PCDHB10: variants seen among roughly 807,000 people sequenced by gnomAD.
PCDHB10 encodes protocadherin beta 10.
For missense variants in PCDHB10, 1,046 were observed against 1,004.7 expected (o/e 1.04, Z -0.56); for synonymous variants, 448 against 449.2 (o/e 1.00, Z 0.04).
In PCDHB10 at chr5:141,193,867, G is replaced by A. The variant is rs17844560; in HGVS notation, c.1315G>A (p.Val439Ile). 3.1e-6 allele frequency: 5 copies of A among 1,613,806 alleles called. No homozygotes were observed. The highest frequency in any genetic ancestry group is 1.1e-5 in the South Asian group (1 of 91,046). ...PRLKTEHNIT[V>I]LVSDVNDNAP... ...GCTGAAAACCGAGCACAACATAACGGTCCTGGTCTCCGACGTCAATGACAA... is the reference window on the plus strand; with the variant it reads ...GCTGAAAACCGAGCACAACATAACGATCCTGGTCTCCGACGTCAATGACAA... Residue 439 changes from valine (V) to isoleucine (I), a missense_variant, in exon 1 of 1, where the codon GTC (valine) becomes ATC (isoleucine). Val to Ile is a conservative substitution (Grantham distance 29, BLOSUM62 3). Coordinates refer to ENST00000239446, the MANE Select transcript of PCDHB10 (RefSeq NM_018930.4).
In PCDHB10 at chr5:141,195,005, C is replaced by A. The variant is rs1554284587; in HGVS notation, c.*50C>A. The A allele has an allele frequency of 6.6e-7, 1 of 1,503,812 alleles. No individual in the cohort carries two copies. The highest frequency in any genetic ancestry group is 2.3e-5 in the East Asian group (1 of 43,666). 93.2% of individuals were successfully genotyped at this position (1,503,812 alleles called of 1,614,324 possible). ...TTTGGTGTGTTACATAGCCATGTTT[C>A]TATTAGTTTACTTTTAAATCTCAAA... On this transcript the variant is annotated 3_prime_UTR_variant, in exon 1 of 1. Transcript: ENST00000239446.
rs962611160 is a variant in PCDHB10 at position 141,194,976 on chromosome 5, T to C, written c.*21T>C. ...AGTAAAGTCTGTTTTTAGTTTCATA[T>C]ACTTTTGGTGTGTTACATAGCCATG... On this transcript the variant is annotated 3_prime_UTR_variant, in exon 1 of 1. Transcript: ENST00000239446. 1.3e-6 allele frequency: 2 copies of C among 1,566,126 alleles called. No individual in the cohort carries two copies. Among genetic ancestry groups the C allele is most frequent in the African/African-American group, 2.7e-5 (2 of 73,364 alleles).
Position 141,193,047 on chromosome 5 carries a change from C to T in PCDHB10, c.495C>T (p.Asn165=), listed in dbSNP as rs374857421. ...CACAGGATCCAGATGGAGGACTTAA[C>T]GGTATCCAAAACTACACGATCAGCC... The part of the protein sequence containing the change: ...ERAQDPDGGL[N]GIQNYTISPN... The change falls in exon 1 of 1, where the codon AAC becomes AAT. Residue 165 remains asparagine (N), a synonymous_variant. Coordinates refer to ENST00000239446, the MANE Select transcript of PCDHB10 (RefSeq NM_018930.4). 2.4e-5 allele frequency: 38 copies of T among 1,614,156 alleles called. 1 individual carries two copies. In the African/African-American group the frequency reaches 2.7e-4, roughly 11 times the overall value.
Position 141,192,588 on chromosome 5 carries a change from G to A in PCDHB10, c.36G>A (p.Arg12=). The A allele has an allele frequency of 6.2e-7, 1 of 1,614,102 alleles. No homozygotes were observed. Among genetic ancestry groups the A allele is most frequent in the Non-Finnish European group, 8.5e-7 (1 of 1,180,040 alleles). ...AVRELCFPRQ[R]QVLFLFLFWG... is the part of the protein sequence containing the mutation. ...GAGAGTTGTGCTTCCCAAGACAAAG[G>A]CAAGTCCTGTTTCTTTTTCTTTTTT... The change falls in exon 1 of 1, where the codon AGG becomes AGA. Residue 12 remains arginine (R), a synonymous_variant. Coordinates refer to ENST00000239446, the MANE Select transcript of PCDHB10 (RefSeq NM_018930.4).
In PCDHB10 at chr5:141,194,120, C is replaced by T. The variant is rs782526580; in HGVS notation, c.1568C>T (p.Ala523Val). Residue 523 changes from alanine (A) to valine (V), a missense_variant, in exon 1 of 1, where the codon GCC becomes GTC. Physicochemically the swap from Ala to Val is moderately conservative, Grantham distance 64. Coordinates refer to ENST00000239446, the MANE Select transcript of PCDHB10 (RefSeq NM_018930.4). ...LFALRSLDYEALQAFEFRVGA... is the reference protein window; with the variant it reads ...LFALRSLDYEVLQAFEFRVGA... The stretch of plus-strand genomic sequence containing the variant: ...GCCCTCAGGTCGCTGGACTACGAGG[C>T]CCTGCAGGCTTTCGAGTTCCGCGTG... 7 of 1,605,854 alleles carry T rather than the reference C, an allele frequency of 4.4e-6. No homozygotes were observed. The highest frequency in any genetic ancestry group is 2.7e-5 in the African/African-American group (2 of 74,684).
rs574455805 is a variant in PCDHB10, at chr5:141,194,387, C to T, written c.1835C>T (p.Pro612Leu). ...LSYQLLKATE[P>L]GLFGVWAHNG... The stretch of plus-strand genomic sequence containing the variant: ...TACCAGCTGCTCAAGGCCACGGAGC[C>T]CGGGCTGTTCGGTGTGTGGGCGCAC... The change falls in exon 1 of 1, where the codon CCC becomes CTC. Residue 612 changes from proline to leucine, a missense_variant. By Grantham distance (98) the Pro-to-Leu change is moderately conservative. Transcript: ENST00000239446. 2.5e-6 allele frequency: 4 copies of T among 1,602,626 alleles called. No homozygotes were observed. The highest frequency in any genetic ancestry group is 1.3e-5 in the African/African-American group (1 of 74,938).
rs1753922559 is a variant in PCDHB10, at chr5:141,192,390, C to A, written c.-163C>A. The stretch of plus-strand genomic sequence containing the variant: ...AGTCACTAATAAAGGAAGACACGGA[C>A]AGATGAACTTAAAAGAGAAGCTTTA... On this transcript the variant is annotated 5_prime_UTR_variant, in exon 1 of 1. Transcript: ENST00000239446. 2.4e-6 allele frequency: 2 copies of A among 839,954 alleles called. No homozygotes were observed. Among genetic ancestry groups the A allele is most frequent in the African/African-American group, 1.7e-5 (1 of 58,346 alleles). The allele number at this position is 839,954 out of a possible 1,614,324, so 52.0% of individuals were successfully genotyped here. A position where few individuals can be genotyped will look rare whatever the true frequency, so the allele number is the denominator to read the frequency against.
rs998725101 is a variant in PCDHB10, at chr5:141,192,448, A to C, written c.-105A>C. On this transcript the variant is annotated 5_prime_UTR_variant, in exon 1 of 1. Transcript: ENST00000239446. ...AAGATTGGGAAAGGGAAAGGACAAA[A>C]AAGACCCCTGGGCTACACGGCGTAG... 2 of 1,445,044 alleles carry C rather than the reference A, an allele frequency of 1.4e-6. No homozygotes were observed. The allele number at this position is 1,445,044 out of a possible 1,614,324, so 89.5% of individuals were successfully genotyped here.
Position 141,192,676 on chromosome 5 carries a change from G to T in PCDHB10, c.124G>T (p.Gly42Ter). Residue 42 changes from glycine to a stop codon, truncating the protein, a stop_gained, in exon 1 of 1, where the codon GGA becomes TGA. Coordinates refer to ENST00000239446, the MANE Select transcript of PCDHB10 (RefSeq NM_018930.4). LOFTEE classifies it low-confidence loss of function (END_TRUNC). ...TTCGGTGACTGAGGAAACAGAGAAA[G>T]GATCCTTTGTGGTCAATCTGGCAAA... ...RYSVTEETEK[G>*]SFVVNLAKDL... 6.2e-7 allele frequency: 1 copy of T among 1,613,980 alleles called. No individual in the cohort carries two copies. Among genetic ancestry groups the T allele is most frequent in the Non-Finnish European group, 8.5e-7 (1 of 1,179,986 alleles).
chr5:141,193,794 A>G lies in PCDHB10; in HGVS notation c.1242A>G (p.Arg414=), dbSNP rs1753970011. The part of the protein sequence containing the change: ...ITEGALDREI[R]AEYNITITVT... ...AAGGCGCGCTGGACAGAGAGATCAG[A>G]GCCGAGTACAACATCACTATCACCG... The change falls in exon 1 of 1, where the codon AGA becomes AGG. Residue 414 remains arginine, a synonymous_variant. Transcript: ENST00000239446. 1.2e-6 allele frequency: 2 copies of G among 1,614,202 alleles called. No homozygotes were observed. Among genetic ancestry groups the G allele is most frequent in the East Asian group, 2.2e-5 (1 of 44,872 alleles).
rs782724879 is a variant in PCDHB10, at chr5:141,193,350, A to C, written c.798A>C (p.Ala266=). ...GGTTCCTTATTGTTAAGGTATGGGC[A>C]GAAGATGTAGACTCTGGAGTCAACG... ...PIGFLIVKVW[A]EDVDSGVNAE... The change falls in exon 1 of 1, where the codon GCA becomes GCC. Residue 266 remains alanine, a synonymous_variant. Coordinates refer to ENST00000239446, the MANE Select transcript of PCDHB10 (RefSeq NM_018930.4). 8 of 1,614,210 alleles carry C rather than the reference A, an allele frequency of 5.0e-6. No homozygotes were observed. Among genetic ancestry groups the C allele is most frequent in the Non-Finnish European group, 6.8e-6 (8 of 1,180,032 alleles).
In PCDHB10 at chr5:141,194,202, G is replaced by A. The variant is rs1753991424; in HGVS notation, c.1650G>A (p.Leu550=). 1 of 1,603,306 alleles carries A rather than the reference G, an allele frequency of 6.2e-7. No individual in the cohort carries two copies. The highest frequency in any genetic ancestry group is 8.5e-7 in the Non-Finnish European group (1 of 1,177,766). ...GCAGAGAGGCGCTGGTGCGCGTGCT[G>A]GTGCTGGACGCCAACGACAACTCGC... ...ALSREALVRV[L]VLDANDNSPF... is the part of the protein sequence containing the mutation. The change falls in exon 1 of 1, where the codon CTG becomes CTA. Residue 550 remains leucine (L), a synonymous_variant. Transcript: ENST00000239446.
chr5:141,193,927 T>C lies in PCDHB10; in HGVS notation c.1375T>C (p.Phe459Leu). Residue 459 changes from phenylalanine to leucine, a missense_variant, in exon 1 of 1, where the codon TTC becomes CTC. Physicochemically the swap from Phe to Leu is conservative, Grantham distance 22. Coordinates refer to ENST00000239446, the MANE Select transcript of PCDHB10 (RefSeq NM_018930.4). ...CTTCACCCAAACCTCCTACACCCTG[T>C]TCGTCCGCGAGAACAACAGCCCCGC... ...PAFTQTSYTL[F>L]VRENNSPALH... is the part of the protein sequence containing the mutation. 2.5e-6 allele frequency: 4 copies of C among 1,612,800 alleles called. No homozygotes were observed. Among genetic ancestry groups the C allele is most frequent in the Non-Finnish European group, 3.4e-6 (4 of 1,179,930 alleles).
chr5:141,193,184 C>T lies in PCDHB10; in HGVS notation c.632C>T (p.Thr211Ile). 3 of 1,614,092 alleles carry T rather than the reference C, an allele frequency of 1.9e-6. No individual in the cohort carries two copies. The highest frequency in any genetic ancestry group is 2.5e-6 in the Non-Finnish European group (3 of 1,180,024). The change falls in exon 1 of 1, where the codon ACC (threonine) becomes ATC (isoleucine). Residue 211 changes from threonine to isoleucine, a missense_variant. Thr to Ile is a moderately conservative substitution (Grantham distance 89). Transcript: ENST00000239446. Reference sequence around the variant, plus strand: ...GAGGAGCAGGGAGAGCTCAGCTTAACCCTCACAGCGCTGGATGGTGGGTCT... The same window carrying T: ...GAGGAGCAGGGAGAGCTCAGCTTAATCCTCACAGCGCTGGATGGTGGGTCT... The part of the protein sequence containing the change: ...DREEQGELSL[T>I]LTALDGGSPS...
In PCDHB10 at chr5:141,194,377, G is replaced by C. The variant is rs782027926; in HGVS notation, c.1825G>C (p.Ala609Pro). The C allele has an allele frequency of 3.1e-5, 49 of 1,602,508 alleles. No homozygotes were observed. In the South Asian group the frequency reaches 5.2e-4, roughly 17 times the overall value. ...CTGGCTGTCGTACCAGCTGCTCAAGGCCACGGAGCCCGGGCTGTTCGGTGT... is the reference window on the plus strand; with the variant it reads ...CTGGCTGTCGTACCAGCTGCTCAAGCCCACGGAGCCCGGGCTGTTCGGTGT... ...NAWLSYQLLKATEPGLFGVWA... is the reference protein window; with the variant it reads ...NAWLSYQLLKPTEPGLFGVWA... The change falls in exon 1 of 1, where the codon GCC becomes CCC. Residue 609 changes from alanine (A) to proline (P), a missense_variant. Coordinates refer to ENST00000239446, the MANE Select transcript of PCDHB10 (RefSeq NM_018930.4).
At position 141,194,130 on chromosome 5, in the gene PCDHB10, T is replaced by G. The variant is rs17844575; in HGVS notation, c.1578T>G (p.Ala526=). ...LRSLDYEALQ[A]FEFRVGATDR... ...CGCTGGACTACGAGGCCCTGCAGGC[T>G]TTCGAGTTCCGCGTGGGCGCCACAG... is the stretch of plus-strand genomic sequence containing the variant. Residue 526 remains alanine, a synonymous_variant, in exon 1 of 1, where the codon GCT becomes GCG. Coordinates refer to ENST00000239446, the MANE Select transcript of PCDHB10 (RefSeq NM_018930.4). 592 of 1,605,178 alleles carry G rather than the reference T, an allele frequency of 3.7e-4. No homozygotes were observed. In the African/African-American group the frequency reaches 7.1e-3, roughly 19 times the overall value.
chr5:141,194,476 G>T lies in PCDHB10; in HGVS notation c.1924G>T (p.Val642Leu). The T allele has an allele frequency of 6.3e-7, 1 of 1,596,968 alleles. No homozygotes were observed. The highest frequency in any genetic ancestry group is 8.5e-7 in the Non-Finnish European group (1 of 1,177,188). ...ERDAAKHRLV[V>L]LVKDNGEPPR... ...CGACGCAGCCAAGCACAGGCTCGTGGTGCTTGTCAAGGACAATGGCGAGCC... is the reference window on the plus strand; with the variant it reads ...CGACGCAGCCAAGCACAGGCTCGTGTTGCTTGTCAAGGACAATGGCGAGCC... The change falls in exon 1 of 1, where the codon GTG (valine) becomes TTG (leucine). Residue 642 changes from valine to leucine, a missense_variant. Transcript: ENST00000239446.
Position 141,193,165 on chromosome 5 carries a change from C to T in PCDHB10, c.613C>T (p.Gln205Ter). ...VLDKALDREE[Q>*]GELSLTLTAL... ...GGACAAAGCACTGGATCGGGAGGAG[C>T]AGGGAGAGCTCAGCTTAACCCTCAC... The change falls in exon 1 of 1, where the codon CAG (glutamine) becomes TAG (stop). Residue 205 changes from glutamine to a stop codon, truncating the protein, a stop_gained. Coordinates refer to ENST00000239446, the MANE Select transcript of PCDHB10 (RefSeq NM_018930.4). LOFTEE classifies it low-confidence loss of function (END_TRUNC). 6.2e-7 allele frequency: 1 copy of T among 1,614,078 alleles called. No individual in the cohort carries two copies. Among genetic ancestry groups the T allele is most frequent in the Non-Finnish European group, 8.5e-7 (1 of 1,180,030 alleles).
rs146126726 is a variant in PCDHB10, at chr5:141,193,586, C to T, written c.1034C>T (p.Pro345Leu). ...GTATTGGACACCAATGACAATCCCC[C>T]TGAACTGATCGTATCATCATTTTCC... ...VEVLDTNDNP[P>L]ELIVSSFSNS... The change falls in exon 1 of 1, where the codon CCT becomes CTT. Residue 345 changes from proline to leucine, a missense_variant. Transcript: ENST00000239446. 6.2e-6 allele frequency: 10 copies of T among 1,613,990 alleles called. No homozygotes were observed. The African/African-American group carries it at 1.1e-4, about 17-fold the overall frequency.
Sources: allele counts gnomAD v4.1 joint callset, GRCh38; gene constraint gnomAD v4.1.1; transcripts MANE v1.5; gene names NCBI Gene and HGNC (gene_info 2026-07-23, HGNC 2026-07-21).